Variants in RIF1 observed in about 807,000 individuals in gnomAD.
RIF1 encodes replication timing regulatory factor 1.
A neutral mutation model predicts 247.1 loss-of-function variants in RIF1; 45 were observed. The ratio of observed to expected loss-of-function variants is 0.18; its 90% CI spans 0.14 to 0.23. The LOEUF (loss-of-function observed/expected upper bound fraction) is 0.23, where lower values mean the gene tolerates loss of function less well. RIF1 is among the 10% of genes least tolerant of loss of function. The probability of loss-of-function intolerance (pLI) is 1.00; values close to 1 mark genes in which losing one functional copy is unlikely to be tolerated. For synonymous variants in RIF1, 1,087 were observed against 978.8 expected, an observed-to-expected ratio of 1.11 and a Z score of -2.06; for missense variants, 2,967 against 2,862.5, an observed-to-expected ratio of 1.04 and a Z score of -0.83.
At chr2:151,419,030 G>T (rs1687713750) in intron 6 of RIF1, among the ~76,000 whole-genome samples, 1 of 130,564 alleles carries the variant, frequency 7.7e-6, no homozygotes, top group African/African-American at 3.0e-5. Flanking sequence ...TAACACATCA[G>T]CCTAGGGCCT....
In RIF1 at chr2:151,481,173, T is replaced by C. The variant is rs1304101197; in HGVS notation, c.*6102T>C. On this transcript the variant is annotated 3_prime_UTR_variant, in exon 36 of 36. Transcript: ENST00000444746. Reference sequence around the variant, plus strand: ...TTAAAGAGTTTGTCAATCCCTTTTATGGAGGAAGGTTTTGCTCATGCATGG... The same window carrying C: ...TTAAAGAGTTTGTCAATCCCTTTTACGGAGGAAGGTTTTGCTCATGCATGG... 1 of 152,236 alleles carries C rather than the reference T, an allele frequency of 6.6e-6. No homozygotes were observed. Among genetic ancestry groups the C allele is most frequent in the Non-Finnish European group, 1.5e-5 (1 of 68,050 alleles). 9.4% of individuals were successfully genotyped at this position (152,236 alleles called of 1,614,324 possible).
At chr2:151,516,868 AC>A in the RIF1 span, among the ~76,000 whole-genome samples, 1 of 152,178 alleles carries the variant, frequency 6.6e-6, no homozygotes, top group Non-Finnish European at 1.5e-5. Context: ...GGGGAAAATT[AC>A]CCAGGTAGAT....
chr2:151,524,868 AT>A, the RIF1 span, among the ~76,000 whole-genome samples: 4 of 151,670 alleles, frequency 2.6e-5, no homozygotes, highest in African/African-American at 9.7e-5. Context: ...GGGTTTCACC[AT>A]ATTGGCCAGG....
At chr2:151,411,227 C>A in intron 2 of RIF1, 33 bp from the exon 3 acceptor site, 1 of 1,274,546 alleles carries the variant, frequency 7.8e-7, no homozygotes, top group Non-Finnish European at 1.1e-6. Context: ...TTCCTGTCAA[C>A]TACTTAAACT....
At chr2:151,485,591 T>C (rs2049684915), downstream of RIF1, 1 of 546,162 alleles carries the variant, frequency 1.8e-6, no homozygotes, top group South Asian at 4.5e-5. Flanking sequence ...GTGTCTGTTC[T>C]GCAACTTATT....
chr2:151,459,433 C>T (rs1179316029), intron 25 of RIF1, among the ~76,000 whole-genome samples: 1 of 152,076 alleles, frequency 6.6e-6, no homozygotes, highest in South Asian at 2.1e-4. Context: ...TCAGGAGCAG[C>T]TAGGGTATAG....
At chr2:151,417,422 T>C (rs1687394469) in intron 6 of RIF1, among the ~76,000 whole-genome samples, 2 of 152,354 alleles carry the variant, frequency 1.3e-5, no homozygotes, top group African/African-American at 4.8e-5. Flanking sequence ...AATGCTCTGA[T>C]TGATGCTAAG....
rs571013769 is a variant in RIF1 at position 151,505,482 on chromosome 2, C to G, written c.*862-728C>G. ...AGCTGAGAGTATGGCCACTACCGAG[C>G]TAATGTGCTTCTGCGTCTCCTTCAC... On this transcript the variant is annotated intron_variant and NMD_transcript_variant, in intron 12 of 13. Coordinates refer to the RIF1 transcript ENST00000454583. 4 of 1,613,544 alleles carry G rather than the reference C, an allele frequency of 2.5e-6. No homozygotes were observed. In the South Asian group the frequency reaches 3.3e-5, roughly 13 times the overall value.
At position 151,507,103 on chromosome 2, in the gene RIF1, C is replaced by T. The variant is rs1575478170; in HGVS notation, c.*1028-626C>T. 9.9e-6 allele frequency: 8 copies of T among 809,806 alleles called. No individual in the cohort carries two copies. The East Asian group carries it at 1.5e-4, about 15-fold the overall frequency. The allele number at this position is 809,806 out of a possible 1,614,324, so 50.2% of individuals were successfully genotyped here. A position where few individuals can be genotyped will look rare whatever the true frequency, so the allele number is the denominator to read the frequency against. On this transcript the variant is annotated intron_variant and NMD_transcript_variant, in intron 13 of 13. Transcript: ENST00000454583. ...ATATTATGTGAAGAAAATTAAAATC[C>T]TGTATCTTTAAAAAAAAGTCTATGC...
chr2:151,525,834 A>T, the RIF1 span: 1 of 801,744 alleles, frequency 1.2e-6, no homozygotes, highest in Non-Finnish European at 2.2e-6. Flanking sequence ...TAAGATTCAC[A>T]TGTAGATATT....
chr2:151,442,518 A>T (rs1487014032), intron 16 of RIF1, among the ~76,000 whole-genome samples: 1 of 152,116 alleles, frequency 6.6e-6, no homozygotes, highest in Non-Finnish European at 1.5e-5. Context: ...TATGTGAATG[A>T]AAAAACTATT....
Position 151,422,807 on chromosome 2 carries a change from G to T in RIF1, c.694-143G>T. On this transcript the variant is annotated intron_variant, in intron 7 of 35. Coordinates refer to ENST00000444746, the MANE Select transcript of RIF1 (RefSeq NM_018151.5). ...GCTGGGATTACAGGCTTGACCCACC[G>T]CACCTGGCCTTGGGTGGGGTAATAT... 1.2e-5 allele frequency: 6 copies of T among 482,076 alleles called. 1 individual carries two copies. The South Asian group carries it at 1.4e-4, about 11-fold the overall frequency. The allele number at this position is 482,076 out of a possible 1,614,324, so 29.9% of individuals were successfully genotyped here.
At chr2:151,512,676 G>A, downstream of RIF1, 2 of 1,183,340 alleles carry the variant, frequency 1.7e-6, no homozygotes, top group Non-Finnish European at 2.5e-6. Flanking sequence ...TTAATGGAAG[G>A]ACTTCCATTC....
rs560043429 is a variant in RIF1 at position 151,497,063 on chromosome 2, A to C, written c.*513+1737A>C. ...GCGATAAGAAAGCAACCAGAAAAAC[A>C]ACCATGAGTAACATTTCATTTGTTG... On this transcript the variant is annotated intron_variant and NMD_transcript_variant, in intron 10 of 13. Coordinates refer to the RIF1 transcript ENST00000454583. 17 of 1,547,754 alleles carry C rather than the reference A, an allele frequency of 1.1e-5. No homozygotes were observed. In the African/African-American group the frequency reaches 1.8e-4, roughly 16 times the overall value.
intron 26 of RIF1, among the ~76,000 whole-genome samples, 176 bp from the exon 27 acceptor site, chr2:151,460,962 A>T (rs1483980911): frequency 6.6e-6 from 1 of 152,220 alleles, no homozygotes; most frequent in Non-Finnish European, 1.5e-5. Flanking sequence ...CTTAGTATTT[A>T]TTAGAGGCAG....
the RIF1 span, among the ~76,000 whole-genome samples, chr2:151,530,368 C>T: frequency 6.6e-6 from 1 of 152,134 alleles, no homozygotes; most frequent in Non-Finnish European, 1.5e-5. Context: ...TTTTGCTCTT[C>T]TTAAATTTCA....
chr2:151,458,818 C>T lies in RIF1; in HGVS notation c.2863C>T (p.Leu955=), dbSNP rs1352877618. The T allele has an allele frequency of 6.2e-7, 1 of 1,606,808 alleles. No homozygotes were observed. The highest frequency in any genetic ancestry group is 8.5e-7 in the Non-Finnish European group (1 of 1,174,310). ...LVYPEELKPV[L]TQAKQKFLLL... ...TTATGTACTTTTTTAAAGACCAGTA[C>T]TAACACAAGCCAAACAAAAATTTCT... Residue 955 remains leucine (L), a synonymous_variant, in exon 25 of 36, where the codon CTA becomes TTA. Coordinates refer to ENST00000444746, the MANE Select transcript of RIF1 (RefSeq NM_018151.5).
At chr2:151,530,351 C>T in the RIF1 span, among the ~76,000 whole-genome samples, 4 of 152,174 alleles carry the variant, frequency 2.6e-5, no homozygotes, top group Admixed American at 1.3e-4. Context: ...CTTCCAGCTT[C>T]ACCCACTTTT....
At chr2:151,501,273 T>C (rs971272496) in intron 11 of RIF1, 1 of 645,296 alleles carries the variant, frequency 1.5e-6, no homozygotes, top group Non-Finnish European at 2.7e-6. Flanking sequence ...ATTCAGTTGA[T>C]GTGATTAAAA....
Sources: allele counts gnomAD v4.1 joint callset (sites outside exome capture counted in the v4.1 genomes callset), GRCh38; gene constraint gnomAD v4.1.1; transcripts MANE v1.5; gene names NCBI Gene and HGNC (gene_info 2026-07-23, HGNC 2026-07-21).